RNF111: variants seen among roughly 807,000 people sequenced by gnomAD.
RNF111 encodes the protein E3 ubiquitin-protein ligase Arkadia.
In RNF111, 17 loss-of-function variants were observed where a neutral mutation model predicts 95.1. The observed-to-expected ratio is 0.18, with a 90% CI of 0.12 to 0.27. The LOEUF is 0.27. RNF111 is among the 10% of genes least tolerant of loss of function. RNF111 has a pLI of 1.00. For missense variants in RNF111, 1,189 were observed against 1,210.4 expected (o/e 0.98, Z 0.26); for synonymous variants, 440 against 414.8 (o/e 1.06, Z -0.74).
intron 6 of RNF111, among the ~76,000 whole-genome samples, chr15:59,069,961 G>C (rs968187724): frequency 7.0e-6 from 1 of 142,974 alleles, no homozygotes; most frequent in African/African-American, 2.6e-5. Flanking sequence ...GCTTTGATAT[G>C]ATATGGCTTT....
At chr15:59,063,773 A>T (rs1389050193) in intron 5 of RNF111, among the ~76,000 whole-genome samples, 1 of 152,228 alleles carries the variant, frequency 6.6e-6, no homozygotes, top group Admixed American at 6.5e-5. Context: ...CACTTTAGTG[A>T]TGGTTACAAA....
intron 5 of RNF111, 66 bp from the exon 6 acceptor site, chr15:59,066,698 T>G: frequency 2.5e-6 from 3 of 1,205,912 alleles, no homozygotes; most frequent in Non-Finnish European, 3.6e-6. Context: ...TTATACCCCA[T>G]ACCTATTTTT....
In RNF111 at chr15:59,054,267, G is replaced by C. The variant is rs1336908073; in HGVS notation, c.1008-1415G>C. ...CTTTCATTTAAGAGAGTATTTCTTT[G>C]TTTTAGAGTCTTTTGTGTCAGGATT... On this transcript the variant is annotated intron_variant, in intron 3 of 13. Transcript: ENST00000348370. Among the ~76,000 whole-genome samples the C allele has an allele frequency of 2.0e-5, 3 of 152,100 alleles. No homozygotes were observed. The East Asian group carries it at 5.8e-4, about 29-fold the overall frequency.
chr15:59,073,254 C>G (rs138264576), intron 6 of RNF111, among the ~76,000 whole-genome samples: 132 of 152,210 alleles, frequency 8.7e-4, no homozygotes, highest in South Asian at 2.1e-3. Context: ...GCAGGCAGAT[C>G]ACTTGCGGTC....
In RNF111 at chr15:59,031,228, G is replaced by A. The variant is rs751052927; in HGVS notation, c.406G>A (p.Asp136Asn). 1.9e-6 allele frequency: 3 copies of A among 1,614,084 alleles called. No individual in the cohort carries two copies. The highest frequency in any genetic ancestry group is 1.3e-5 in the African/African-American group (1 of 74,946). ...TGAAGATAATGATTCCTCTTTTAGT[G>A]ATTGTCTTTCTTCTCCTTCATCTAG... ...SDEDNDSSFS[D>N]CLSSPSSSLH... The change falls in exon 2 of 14, where the codon GAT becomes AAT. Residue 136 changes from aspartate (D) to asparagine (N), a missense_variant. Around this residue, in one of 2 missense-constraint regions of RNF111, gnomAD observed 1,024 missense variants for 925.9 expected, o/e 1.11. Coordinates refer to ENST00000348370, the MANE Select transcript of RNF111 (RefSeq NM_017610.8).
At chr15:59,008,632 C>G (rs879550389) in intron 1 of RNF111, among the ~76,000 whole-genome samples, 1 of 152,168 alleles carries the variant, frequency 6.6e-6, no homozygotes, top group Non-Finnish European at 1.5e-5. Flanking sequence ...TGTCCTTACA[C>G]CAATAGCCCC....
intron 1 of RNF111, among the ~76,000 whole-genome samples, chr15:59,021,058 C>A (rs756201945): frequency 6.6e-6 from 1 of 152,080 alleles, no homozygotes; most frequent in Non-Finnish European, 1.5e-5. Context: ...GTCTTTTATC[C>A]CTGACCTCAC....
chr15:59,063,551 T>A (rs1433584510), intron 5 of RNF111, among the ~76,000 whole-genome samples: 2 of 152,208 alleles, frequency 1.3e-5, no homozygotes, highest in African/African-American at 2.4e-5. Flanking sequence ...AAGGAAGTGT[T>A]TTATTTACTG....
intron 1 of RNF111, among the ~76,000 whole-genome samples, chr15:59,030,052 G>A (rs140407630): frequency 6.6e-6 from 1 of 152,164 alleles, no homozygotes; most frequent in African/African-American, 2.4e-5. Context: ...TTTAAATTCA[G>A]ATCTCTTTTT....
chr15:59,061,154 G>C (rs185933955), intron 5 of RNF111, among the ~76,000 whole-genome samples: 11 of 152,196 alleles, frequency 7.2e-5, no homozygotes, highest in African/African-American at 2.4e-4. Context: ...CTTTATTTCA[G>C]AATATTCCAA....
At chr15:58,996,649 C>CTTTTTTTTTTTTTTTTTTTTTT (rs60350601) in intron 1 of RNF111, among the ~76,000 whole-genome samples, 3 of 100,810 alleles carry the variant, frequency 3.0e-5, no homozygotes, top group African/African-American at 7.8e-5. Flanking sequence ...TCAGTACTTT[C>CTTTTTTTTTTTTTTTTTTTTTT]TTTTTTTTTT....
chr15:58,992,140 G>A (rs900493261), intron 1 of RNF111, among the ~76,000 whole-genome samples: 31 of 152,142 alleles, frequency 2.0e-4, no homozygotes, highest in Admixed American at 6.6e-5. Flanking sequence ...CACCTCCCGG[G>A]TTCAAGCAAT....
chr15:59,057,199 C>T (rs2042233606), intron 4 of RNF111, among the ~76,000 whole-genome samples: 1 of 152,174 alleles, frequency 6.6e-6, no homozygotes, highest in South Asian at 2.1e-4. Context: ...AAACATCATG[C>T]TGTTCACAGT....
intron 10 of RNF111, among the ~76,000 whole-genome samples, chr15:59,087,039 T>G (rs2078919883): frequency 6.6e-6 from 1 of 152,128 alleles, no homozygotes; most frequent in Non-Finnish European, 1.5e-5. Context: ...TATTTAGGGT[T>G]TGGGTGAAGG....
intron 7 of RNF111, among the ~76,000 whole-genome samples, chr15:59,078,509 A>G (rs1395894520): frequency 6.7e-6 from 1 of 150,240 alleles, no homozygotes; most frequent in Non-Finnish European, 1.5e-5. Context: ...CCTGTGAACA[A>G]TCCTTGTACT....
intron 1 of RNF111, among the ~76,000 whole-genome samples, chr15:59,006,179 C>T (rs1323189026): frequency 1.3e-5 from 2 of 152,122 alleles, no homozygotes; most frequent in Middle Eastern, 3.2e-3. Flanking sequence ...ATATAGTGAA[C>T]TTATTTTAAA....
At position 59,093,320 on chromosome 15, in the gene RNF111, A is replaced by G. The variant is rs2079104801; in HGVS notation, c.2843+680A>G. 1.2e-5 allele frequency: 5 copies of G among 408,988 alleles called. 1 individual carries two copies. Among genetic ancestry groups the G allele is most frequent in the South Asian group, 7.1e-5 (4 of 56,224 alleles). 25.3% of individuals were successfully genotyped at this position (408,988 alleles called of 1,614,324 possible). On this transcript the variant is annotated intron_variant, in intron 13 of 13. Coordinates refer to ENST00000348370, the MANE Select transcript of RNF111 (RefSeq NM_017610.8). Reference sequence around the variant, plus strand: ...ACAGGGATCCAGATTAGTCCTATGCAGTCTGTTTTACAGCATCTTTTTTTT... The same window carrying G: ...ACAGGGATCCAGATTAGTCCTATGCGGTCTGTTTTACAGCATCTTTTTTTT...
In RNF111 at chr15:59,094,976, A is replaced by G; in HGVS notation, c.*76A>G. The G allele has an allele frequency of 1.1e-6, 1 of 872,668 alleles. No homozygotes were observed. The highest frequency in any genetic ancestry group is 1.3e-5 in the South Asian group (1 of 74,436). The allele number at this position is 872,668 out of a possible 1,614,324, so 54.1% of individuals were successfully genotyped here. On this transcript the variant is annotated 3_prime_UTR_variant, in exon 14 of 14. Coordinates refer to ENST00000348370, the MANE Select transcript of RNF111 (RefSeq NM_017610.8). Reference sequence around the variant, plus strand: ...ACTGCAGTCAACCAAAGATGGCATGACTTACCTGCGCAGATTTGGAAGCAT... The same window carrying G: ...ACTGCAGTCAACCAAAGATGGCATGGCTTACCTGCGCAGATTTGGAAGCAT...
chr15:59,073,917 G>A (rs1183391932), intron 6 of RNF111, among the ~76,000 whole-genome samples: 1 of 152,162 alleles, frequency 6.6e-6, no homozygotes, highest in African/African-American at 2.4e-5. Flanking sequence ...ACTGGATGTT[G>A]TGTTAGGTAT....
Sources: gnomAD v4.1 joint callset for allele counts (sites outside exome capture counted in the v4.1 genomes callset) on GRCh38, gnomAD v4.1.1 for gene constraint, gnomAD v4.1.1 regional missense constraint, MANE v1.5 for transcripts, NCBI Gene and HGNC (gene_info 2026-07-23, HGNC 2026-07-21) for gene names.